The following SNAP91 variants were observed in gnomAD, a reference collection of about 807,000 sequenced individuals.
SNAP91 encodes the protein clathrin coat assembly protein AP180.
Under a neutral mutation model 100.3 loss-of-function variants are expected in SNAP91, and 27 were observed. That is an observed-to-expected ratio of 0.27 (90% CI 0.20 to 0.37). The LOEUF is 0.37. Ranked by LOEUF, SNAP91 falls within the 10% of genes least tolerant of loss-of-function variation. The pLI, the probability that SNAP91 is intolerant of heterozygous loss-of-function variation, is 1.00. For synonymous variants in SNAP91, 404 were observed against 398.6 expected, an observed-to-expected ratio of 1.01 and a Z score of -0.16; for missense variants, 986 against 1,123.7, an observed-to-expected ratio of 0.88 and a Z score of 1.75.
chr6:83,674,596 T>C (rs1339648519), intron 2 of SNAP91, among the ~76,000 whole-genome samples: 1 of 152,142 alleles, frequency 6.6e-6, no homozygotes. Flanking sequence ...TCTAAGTTTC[T>C]CTGAGTATCT....
upstream of SNAP91, chr6:83,709,340 T>A (rs1425403644): frequency 6.6e-6 from 1 of 152,224 alleles, no homozygotes; most frequent in African/African-American, 2.4e-5. Context: ...CCAGCGGCTC[T>A]CCGCTGGGCG....
At chr6:83,663,165 T>C (rs929829487) in intron 3 of SNAP91, among the ~76,000 whole-genome samples, 3 of 152,122 alleles carry the variant, frequency 2.0e-5, no homozygotes, top group Admixed American at 2.0e-4. Context: ...TTCCCCTGAC[T>C]TTCTCCCTTT....
chr6:83,578,628 A>T (rs1379237869), intron 24 of SNAP91, among the ~76,000 whole-genome samples: 1 of 152,164 alleles, frequency 6.6e-6, no homozygotes, highest in Non-Finnish European at 1.5e-5. Context: ...TTCTGAGTAC[A>T]AGTCTCTTAT....
chr6:83,596,725 A>G (rs1226817000), intron 16 of SNAP91, among the ~76,000 whole-genome samples: 4 of 151,564 alleles, frequency 2.6e-5, no homozygotes, highest in Non-Finnish European at 4.4e-5. Flanking sequence ...ATCATGTTGT[A>G]CATTATATAT....
chr6:83,684,359 T>C (rs2099032305), intron 2 of SNAP91, among the ~76,000 whole-genome samples: 2 of 152,164 alleles, frequency 1.3e-5, no homozygotes, highest in Admixed American at 1.3e-4. Flanking sequence ...CTTCTTCACA[T>C]ACAACACACA....
intron 20 of SNAP91, 111 bp from the exon 21 acceptor site, chr6:83,592,649 CTG>C: frequency 1.2e-6 from 1 of 855,104 alleles, no homozygotes; most frequent in Non-Finnish European, 1.9e-6. Flanking sequence ...GGCAGAAAGA[CTG>C]TAGACAATCT....
chr6:83,578,785 A>T (rs1028869508), intron 24 of SNAP91, among the ~76,000 whole-genome samples: 1 of 152,054 alleles, frequency 6.6e-6, no homozygotes, highest in Non-Finnish European at 1.5e-5. Context: ...TTCTGGTGTC[A>T]TATCTAAGAA....
intron 11 of SNAP91, among the ~76,000 whole-genome samples, chr6:83,613,004 A>G (rs2096252317): frequency 6.6e-6 from 1 of 152,148 alleles, no homozygotes; most frequent in Admixed American, 6.5e-5. Context: ...AAGAATGAAG[A>G]TATAATAAAA....
At chr6:83,651,486 G>A (rs2128648493) in intron 7 of SNAP91, among the ~76,000 whole-genome samples, 1 of 152,124 alleles carries the variant, frequency 6.6e-6, no homozygotes, top group Middle Eastern at 3.4e-3. Flanking sequence ...TTTCTCTTGA[G>A]CTTTCTTCTT....
At chr6:83,677,650 T>G (rs1339010450) in intron 2 of SNAP91, among the ~76,000 whole-genome samples, 4 of 152,210 alleles carry the variant, frequency 2.6e-5, no homozygotes, top group Admixed American at 6.5e-5. Context: ...CAATGTGACC[T>G]TAAGCATGTA....
At chr6:83,598,365 A>AAG (rs2094744153) in intron 16 of SNAP91, among the ~76,000 whole-genome samples, 2 of 152,204 alleles carry the variant, frequency 1.3e-5, no homozygotes, top group African/African-American at 4.8e-5. Flanking sequence ...TACATGAACT[A>AAG]CCTACATTGA....
chr6:83,689,182 A>C (rs2099100938), intron 2 of SNAP91, among the ~76,000 whole-genome samples: 3 of 152,152 alleles, frequency 2.0e-5, no homozygotes, highest in Admixed American at 2.0e-4. Context: ...CCACCCAAAG[A>C]AAGGGAAGCT....
intron 26 of SNAP91, among the ~76,000 whole-genome samples, chr6:83,571,947 G>A (rs1397116627): frequency 1.3e-5 from 2 of 152,104 alleles, no homozygotes; most frequent in Non-Finnish European, 2.9e-5. Flanking sequence ...GTTTAATAAG[G>A]GGGAGTTTCC....
chr6:83,558,345 T>C (rs1291719842), intron 28 of SNAP91, among the ~76,000 whole-genome samples: 1 of 152,246 alleles, frequency 6.6e-6, no homozygotes, highest in Non-Finnish European at 1.5e-5. Context: ...ATCTAAGTTA[T>C]ACCTAACCTC....
At chr6:83,565,507 C>T (rs1273284849) in intron 26 of SNAP91, among the ~76,000 whole-genome samples, 1 of 152,254 alleles carries the variant, frequency 6.6e-6, no homozygotes, top group East Asian at 1.9e-4. Flanking sequence ...ACCCTGAGTG[C>T]TCCCATGTGT....
intron 8 of SNAP91, among the ~76,000 whole-genome samples, chr6:83,623,889 T>C (rs996163611): frequency 6.6e-6 from 1 of 152,102 alleles, no homozygotes; most frequent in African/African-American, 2.4e-5. Context: ...TTATATATAA[T>C]GAACTTATGT....
intron 16 of SNAP91, among the ~76,000 whole-genome samples, chr6:83,595,702 T>C (rs11965595): frequency 0.028 from 4,192 of 152,220 alleles, 188 homozygotes; most frequent in African/African-American, 0.093. Flanking sequence ...GGAACACTGT[T>C]CCTTCAGTCA....
intron 16 of SNAP91, among the ~76,000 whole-genome samples, chr6:83,597,430 A>T (rs1004515341): frequency 1.3e-5 from 2 of 152,348 alleles, no homozygotes; most frequent in Non-Finnish European, 2.9e-5. Flanking sequence ...ATTGCAAACT[A>T]AAGTTATTTC....
At chr6:83,605,920 G>T in intron 13 of SNAP91, 117 bp from the exon 14 acceptor site, 2 of 913,120 alleles carry the variant, frequency 2.2e-6, no homozygotes, top group Non-Finnish European at 3.2e-6. Flanking sequence ...TCCAATAAAA[G>T]AATAATACTT....
Sources: allele counts gnomAD v4.1 joint callset (sites outside exome capture counted in the v4.1 genomes callset), GRCh38; gene constraint gnomAD v4.1.1; transcripts MANE v1.5; gene names NCBI Gene and HGNC (gene_info 2026-07-23, HGNC 2026-07-21).